Variants in DCLK3 observed in about 807,000 individuals in gnomAD.
DCLK3 encodes doublecortin like kinase 3.
In DCLK3, 30 loss-of-function variants were observed where a neutral mutation model predicts 46.4. That is an observed-to-expected ratio of 0.65 (90% CI 0.48 to 0.88). The LOEUF (loss-of-function observed/expected upper bound fraction) is 0.88, where lower values mean the gene tolerates loss of function less well. Ranked by LOEUF, DCLK3 falls within the 40% of genes least tolerant of loss-of-function variation. The probability of loss-of-function intolerance (pLI) is 0.00; values close to 1 mark genes in which losing one functional copy is unlikely to be tolerated. For missense variants in DCLK3, 846 were observed against 907.1 expected (o/e 0.93, Z 0.87); for synonymous variants, 401 against 339.2 (o/e 1.18, Z -2.00).
chr3:36,729,407 A>G (rs1701168407), intron 2 of DCLK3, among the ~76,000 whole-genome samples: 1 of 152,142 alleles, frequency 6.6e-6, no homozygotes, highest in South Asian at 2.1e-4. Flanking sequence ...AGGGTGTAAG[A>G]GGTTGCTTTA....
In DCLK3 at chr3:36,718,180, G is replaced by C; in HGVS notation, c.2093-3C>G. 2 of 1,613,870 alleles carry C rather than the reference G, an allele frequency of 1.2e-6. No individual in the cohort carries two copies. The highest frequency in any genetic ancestry group is 1.7e-6 in the Non-Finnish European group (2 of 1,180,002). ...CATGTCCACCTCCAGTCCATAACCT[G>C]CGCAGACAGAGGCAGAGACACAAGC... On this transcript the variant is annotated splice_region_variant and splice_polypyrimidine_tract_variant and intron_variant, in intron 3 of 4. Coordinates refer to ENST00000636136, the MANE Select transcript of DCLK3 (RefSeq NM_001394672.2).
At chr3:36,726,622 C>T (rs1313879070) in intron 2 of DCLK3, among the ~76,000 whole-genome samples, 1 of 152,142 alleles carries the variant, frequency 6.6e-6, no homozygotes, top group Admixed American at 6.5e-5. Context: ...AATAAATTCT[C>T]CCCACTTGCT....
rs905822558 is a variant in DCLK3, at chr3:36,760,536, T to C, written c.82+3646A>G. 2.6e-5 allele frequency among the ~76,000 whole-genome samples: 4 copies of C among 151,482 alleles called. No homozygotes were observed. In the East Asian group the frequency reaches 7.8e-4, roughly 29 times the overall value. On this transcript the variant is annotated intron_variant, in intron 1 of 4. Transcript: ENST00000636136. The stretch of plus-strand genomic sequence containing the variant: ...GATATACCTAATGTTAAATAACGAG[T>C]TAATGGGTGCAGCACACCAACATGG...
Position 36,764,332 on chromosome 3 carries a change from A to T in DCLK3, c.-69T>A. Reference sequence around the variant, plus strand: ...GCGCGGGGACGCGGCTCGACGGTCGAGCAGGCGCGGGAAGGCGGGGCGAGA... The same window carrying T: ...GCGCGGGGACGCGGCTCGACGGTCGTGCAGGCGCGGGAAGGCGGGGCGAGA... On this transcript the variant is annotated 5_prime_UTR_variant, in exon 1 of 5. Transcript: ENST00000636136. The surrounding 1 kb of genome is among the most constrained non-coding windows in gnomAD (Gnocchi z 4.9). 4.9e-6 allele frequency: 1 copy of T among 204,756 alleles called. No individual in the cohort carries two copies. Among genetic ancestry groups the T allele is most frequent in the African/African-American group, 2.4e-5 (1 of 42,454 alleles). 12.7% of individuals were successfully genotyped at this position (204,756 alleles called of 1,614,324 possible). A position where few individuals can be genotyped will look rare whatever the true frequency, so the allele number is the denominator to read the frequency against.
In DCLK3 at chr3:36,738,384, C is replaced by G. The variant is rs774323839; in HGVS notation, c.783G>C (p.Gln261His). ...CCCATTTCCCCCTCCCCCACTTCTTCTGGGTCCTCGCTCTGTCATCTAGTG... is the reference window on the plus strand; with the variant it reads ...CCCATTTCCCCCTCCCCCACTTCTTGTGGGTCCTCGCTCTGTCATCTAGTG... Reference protein sequence around the residue: ...ELSLDDRARTQKKWGRGKWEP... With the variant: ...ELSLDDRARTHKKWGRGKWEP... Residue 261 changes from glutamine to histidine, a missense_variant, in exon 2 of 5, where the codon CAG becomes CAC. Physicochemically the swap from Gln to His is conservative, Grantham distance 24 (BLOSUM62 0). This residue lies in a region of DCLK3 where 553 missense variants were observed against 543.0 expected (regional missense o/e 1.02). Transcript: ENST00000636136. 6.7e-7 allele frequency: 1 copy of G among 1,500,010 alleles called. No homozygotes were observed. Among genetic ancestry groups the G allele is most frequent in the Non-Finnish European group, 8.9e-7 (1 of 1,127,966 alleles). The allele number at this position is 1,500,010 out of a possible 1,614,324, so 92.9% of individuals were successfully genotyped here. A position where few individuals can be genotyped will look rare whatever the true frequency, so the allele number is the denominator to read the frequency against.
At chr3:36,754,320 T>A (rs932353883) in intron 1 of DCLK3, among the ~76,000 whole-genome samples, 2 of 152,242 alleles carry the variant, frequency 1.3e-5, no homozygotes, top group Middle Eastern at 3.2e-3. Flanking sequence ...TTCATTTCTT[T>A]CTGTTTCTCT....
chr3:36,723,398 T>C (rs562255319), intron 2 of DCLK3, among the ~76,000 whole-genome samples: 1 of 152,356 alleles, frequency 6.6e-6, no homozygotes, highest in South Asian at 2.1e-4. Flanking sequence ...TAAAGCCGGC[T>C]GCAGAAATTT....
chr3:36,762,231 A>G (rs1311598043), intron 1 of DCLK3, among the ~76,000 whole-genome samples: 2 of 152,184 alleles, frequency 1.3e-5, no homozygotes, highest in Non-Finnish European at 1.5e-5. Context: ...AAGGCACCCT[A>G]CAGGTTAGCA....
chr3:36,748,159 A>G (rs985495334), intron 1 of DCLK3, among the ~76,000 whole-genome samples: 3 of 152,194 alleles, frequency 2.0e-5, no homozygotes, highest in Non-Finnish European at 2.9e-5. Flanking sequence ...TATCTGTACA[A>G]GTTGCCAAAT....
At chr3:36,743,783 G>C (rs1178340593) in intron 1 of DCLK3, among the ~76,000 whole-genome samples, 1 of 151,982 alleles carries the variant, frequency 6.6e-6, no homozygotes, top group East Asian at 1.9e-4. Context: ...GCCTCCTTGA[G>C]TTCCAAACCC....
intron 4 of DCLK3, 139 bp from the exon 5 acceptor site, chr3:36,715,660 A>C (rs1255654301): frequency 1.2e-6 from 1 of 812,204 alleles, no homozygotes; most frequent in Non-Finnish European, 1.8e-6. Flanking sequence ...CTAGAGCAGC[A>C]CAGTCCAATA....
intron 2 of DCLK3, among the ~76,000 whole-genome samples, chr3:36,733,467 A>G (rs1701223268): frequency 6.6e-6 from 1 of 151,994 alleles, no homozygotes; most frequent in South Asian, 2.1e-4. Context: ...GCTGGATATA[A>G]TCTCTCAGCC....
chr3:36,730,411 C>T (rs1413822294), intron 2 of DCLK3, among the ~76,000 whole-genome samples: 6 of 152,192 alleles, frequency 3.9e-5, no homozygotes, highest in Non-Finnish European at 8.8e-5. Flanking sequence ...TATTTACACA[C>T]TTACCATCTG....
At chr3:36,762,257 C>T (rs1213753665) in intron 1 of DCLK3, among the ~76,000 whole-genome samples, 9 of 152,068 alleles carry the variant, frequency 5.9e-5, no homozygotes, top group Admixed American at 4.6e-4. Context: ...TACCTATTAC[C>T]GATGTTAGTC....
chr3:36,746,616 T>C (rs912323884), intron 1 of DCLK3, among the ~76,000 whole-genome samples: 17 of 152,156 alleles, frequency 1.1e-4, no homozygotes, highest in African/African-American at 4.1e-4. Flanking sequence ...CCAGAGAGCA[T>C]TTTCCTCTCT....
chr3:36,759,870 G>A (rs767826739), intron 1 of DCLK3, among the ~76,000 whole-genome samples: 6 of 152,002 alleles, frequency 3.9e-5, no homozygotes, highest in Non-Finnish European at 7.4e-5. Context: ...TTACCCTAAC[G>A]CCACAGAGTG....
chr3:36,737,253 G>A lies in DCLK3; in HGVS notation c.1914C>T (p.His638=), dbSNP rs747503381. The A allele has an allele frequency of 2.2e-5, 35 of 1,613,980 alleles. No individual in the cohort carries two copies. Among genetic ancestry groups the A allele is most frequent in the East Asian group, 4.5e-5 (2 of 44,892 alleles). ...MDLCKALVHM[H]DKSIVHRDLK... is the part of the protein sequence containing the mutation. ...GGTCCCGGTGGACAATGCTCTTGTC[G>A]TGCATGTGGACGAGGGCTTTGCATA... The change falls in exon 2 of 5, where the codon CAC becomes CAT. Residue 638 remains histidine (H), a synonymous_variant. Coordinates refer to ENST00000636136, the MANE Select transcript of DCLK3 (RefSeq NM_001394672.2). The surrounding 1 kb of genome is among the most constrained non-coding windows in gnomAD (Gnocchi z 4.4).
At chr3:36,763,321 A>G (rs1392183070) in intron 1 of DCLK3, among the ~76,000 whole-genome samples, 3 of 152,230 alleles carry the variant, frequency 2.0e-5, no homozygotes, top group African/African-American at 7.2e-5. Context: ...CTTCTCACAC[A>G]CTTCCCCCCT....
chr3:36,763,842 A>G (rs1701559937), intron 1 of DCLK3, among the ~76,000 whole-genome samples: 1 of 152,220 alleles, frequency 6.6e-6, no homozygotes, highest in African/African-American at 2.4e-5. Context: ...TCCCTTCTGC[A>G]GCCTCACCGC....
Sources: allele counts gnomAD v4.1 joint callset (sites outside exome capture counted in the v4.1 genomes callset), GRCh38; gene constraint gnomAD v4.1.1; regional missense constraint gnomAD v4.1.1; non-coding constraint Gnocchi (gnomAD v3.1); transcripts MANE v1.5; gene names NCBI Gene and HGNC (gene_info 2026-07-23, HGNC 2026-07-21).